The following FARS2 variants were observed in gnomAD, a reference collection of about 807,000 sequenced individuals.
The protein encoded by FARS2 is phenylalanyl-tRNA synthetase 2, mitochondrial, also known as phenylalanine--tRNA ligase, mitochondrial.
Under a neutral mutation model 46.4 loss-of-function variants are expected in FARS2, and 40 were observed. The observed-to-expected ratio is 0.86, with a 90% CI of 0.67 to 1.12. FARS2 has a LOEUF of 1.12. Among genes scored for constraint, FARS2 ranks in the 50% most tolerant of loss-of-function variants. The pLI, the probability that FARS2 is intolerant of heterozygous loss-of-function variation, is 0.00. For synonymous variants in FARS2, 234 were observed against 214.9 expected, an observed-to-expected ratio of 1.09 and a Z score of -0.78; for missense variants, 513 against 567.9, an observed-to-expected ratio of 0.90 and a Z score of 0.98.
In FARS2 at chr6:5,371,109, T is replaced by A. The variant is rs897135624; in HGVS notation, c.612+1927T>A. 1.7e-5 allele frequency: 13 copies of A among 752,288 alleles called. No homozygotes were observed. In the African/African-American group the frequency reaches 2.5e-4, roughly 14 times the overall value. 46.6% of individuals were successfully genotyped at this position (752,288 alleles called of 1,614,324 possible). On this transcript the variant is annotated intron_variant, in intron 2 of 6. Coordinates refer to ENST00000274680, the MANE Select transcript of FARS2 (RefSeq NM_006567.5). ...CTGTTTTTCTGTATTCTGCTTTTTTTCATGACACTCCTTTCTACGTGGGAC... is the reference window on the plus strand; with the variant it reads ...CTGTTTTTCTGTATTCTGCTTTTTTACATGACACTCCTTTCTACGTGGGAC...
intron 5 of FARS2, among the ~76,000 whole-genome samples, chr6:5,606,379 TG>T: frequency 6.6e-6 from 1 of 151,634 alleles, no homozygotes; most frequent in South Asian, 2.2e-4. Flanking sequence ...GTTGTCAGAG[TG>T]CTTGGGGAAG....
chr6:5,354,663 G>A (rs555587883), intron 1 of FARS2, among the ~76,000 whole-genome samples: 36 of 152,048 alleles, frequency 2.4e-4, no homozygotes, highest in African/African-American at 5.3e-4. Flanking sequence ...ACAGGCGCCC[G>A]CCACCACGCC....
At chr6:5,582,271 A>C (rs1329310228) in intron 5 of FARS2, among the ~76,000 whole-genome samples, 1 of 150,372 alleles carries the variant, frequency 6.7e-6, no homozygotes, top group Non-Finnish European at 1.5e-5. Flanking sequence ...TCACAGTAAC[A>C]TACTTCCGGT....
rs565606778 is a variant in FARS2 at position 5,288,506 on chromosome 6, C to T, written c.-22+26846C>T. Among the ~76,000 whole-genome samples the T allele has an allele frequency of 1.8e-4, 27 of 152,220 alleles. No individual in the cohort carries two copies. In the East Asian group the frequency reaches 2.9e-3, roughly 16 times the overall value. On this transcript the variant is annotated intron_variant, in intron 1 of 6. Transcript: ENST00000274680. ...TTGTTCTTCTCACTTGTGCACTGTA[C>T]GAATCACCAAATATACTTTCTAATG...
At chr6:5,504,650 T>A (rs1017359010) in intron 4 of FARS2, among the ~76,000 whole-genome samples, 2 of 152,118 alleles carry the variant, frequency 1.3e-5, no homozygotes, top group African/African-American at 2.4e-5. Flanking sequence ...CAAACACAAA[T>A]ACTTTTAGAG....
Position 5,568,229 on chromosome 6 carries a change from C to T in FARS2, c.1065+22889C>T, listed in dbSNP as rs573583449. Reference sequence around the variant, plus strand: ...GTAATATGCGGTTCTGATTCACGTTCAACTGTCAACATAGCAAGGGGGAAA... The same window carrying T: ...GTAATATGCGGTTCTGATTCACGTTTAACTGTCAACATAGCAAGGGGGAAA... On this transcript the variant is annotated intron_variant, in intron 5 of 6. Coordinates refer to ENST00000274680, the MANE Select transcript of FARS2 (RefSeq NM_006567.5). 2.0e-4 allele frequency among the ~76,000 whole-genome samples: 30 copies of T among 152,174 alleles called. 1 individual carries two copies. Among genetic ancestry groups the T allele is most frequent in the African/African-American group, 7.0e-4 (29 of 41,520 alleles).
rs9392076 is a variant in FARS2 at position 5,323,458 on chromosome 6, A to C, written c.-21-45092A>C. ...TGGGTTGTTTTTGTATTATGACTCGAGAGATGCTGAAAAAACCTCCTACTG... is the reference window on the plus strand; with the variant it reads ...TGGGTTGTTTTTGTATTATGACTCGCGAGATGCTGAAAAAACCTCCTACTG... On this transcript the variant is annotated intron_variant, in intron 1 of 6. Coordinates refer to ENST00000274680, the MANE Select transcript of FARS2 (RefSeq NM_006567.5). Among the ~76,000 whole-genome samples the C allele has an allele frequency of 8.7e-3, 1,328 of 152,270 alleles. 43 individuals carry two copies. Among genetic ancestry groups the C allele is most frequent in the East Asian group, 0.063 (327 of 5,180 alleles).
At chr6:5,297,912 C>G (rs1246837219) in intron 1 of FARS2, among the ~76,000 whole-genome samples, 2 of 152,120 alleles carry the variant, frequency 1.3e-5, no homozygotes, top group Non-Finnish European at 2.9e-5. Context: ...AAAACATCTC[C>G]ACTCTACCCA....
At chr6:5,321,966 T>C (rs1349898084) in intron 1 of FARS2, among the ~76,000 whole-genome samples, 1 of 152,258 alleles carries the variant, frequency 6.6e-6, no homozygotes, top group East Asian at 1.9e-4. Context: ...CAACCAGCTC[T>C]TGGTGCTAAA....
intron 4 of FARS2, among the ~76,000 whole-genome samples, chr6:5,498,122 G>T (rs1767579322): frequency 1.3e-5 from 2 of 152,194 alleles, no homozygotes; most frequent in Non-Finnish European, 2.9e-5. Context: ...GCGATTTGAT[G>T]TTACTTGTGG....
At position 5,565,234 on chromosome 6, in the gene FARS2, C is replaced by G. The variant is rs556211878; in HGVS notation, c.1065+19894C>G. Among the ~76,000 whole-genome samples, 3 of 152,252 alleles carry G rather than the reference C, an allele frequency of 2.0e-5. No homozygotes were observed. In the South Asian group the frequency reaches 6.2e-4, roughly 32 times the overall value. Reference sequence around the variant, plus strand: ...AATAACTTTCCTTGATGCTGAAAATCAAAACAAGGATCAGCAGTATTCCAA... The same window carrying G: ...AATAACTTTCCTTGATGCTGAAAATGAAAACAAGGATCAGCAGTATTCCAA... On this transcript the variant is annotated intron_variant, in intron 5 of 6. Transcript: ENST00000274680.
chr6:5,482,962 C>T (rs1766557287), intron 4 of FARS2, among the ~76,000 whole-genome samples: 1 of 152,144 alleles, frequency 6.6e-6, no homozygotes, highest in South Asian at 2.1e-4. Context: ...TGCTGGAGCT[C>T]TGACTGACCA....
chr6:5,654,654 G>A (rs1777523671), intron 6 of FARS2, among the ~76,000 whole-genome samples: 1 of 152,010 alleles, frequency 6.6e-6, no homozygotes, highest in Admixed American at 6.6e-5. Context: ...TGTGTATGTC[G>A]GGAGCCCCAT....
chr6:5,681,413 C>T (rs1197934345), intron 6 of FARS2, among the ~76,000 whole-genome samples: 2 of 152,174 alleles, frequency 1.3e-5, no homozygotes, highest in South Asian at 2.1e-4. Flanking sequence ...TGAGGGAGAG[C>T]GGGACAGCAG....
intron 1 of FARS2, among the ~76,000 whole-genome samples, chr6:5,351,525 A>C (rs1324708742): frequency 6.6e-6 from 1 of 152,196 alleles, no homozygotes; most frequent in African/African-American, 2.4e-5. Flanking sequence ...CTTTGATAGA[A>C]TATTGACAGA....
chr6:5,257,628 T>C (rs995442612), upstream of FARS2, among the ~76,000 whole-genome samples: 6 of 152,328 alleles, frequency 3.9e-5, no homozygotes, highest in Middle Eastern at 3.4e-3. Context: ...CTCCATCTCC[T>C]GTCAGATCAG....
chr6:5,325,152 C>G (rs1770274857), intron 1 of FARS2, among the ~76,000 whole-genome samples: 1 of 152,248 alleles, frequency 6.6e-6, no homozygotes, highest in African/African-American at 2.4e-5. Flanking sequence ...GGCAGAGCAG[C>G]TCCTTCTGGA....
Position 5,318,874 on chromosome 6 carries a change from A to T in FARS2, c.-21-49676A>T, listed in dbSNP as rs539280761. On this transcript the variant is annotated intron_variant, in intron 1 of 6. Transcript: ENST00000274680. ...GCCAGTCAGCAACTGCCATGCAGAA[A>T]AGGGCGTGGTTGAAAAGGAAGTAGC... Among the ~76,000 whole-genome samples the T allele has an allele frequency of 1.1e-4, 16 of 152,256 alleles. No homozygotes were observed. The South Asian group carries it at 3.1e-3, about 30-fold the overall frequency.
intron 5 of FARS2, among the ~76,000 whole-genome samples, chr6:5,606,667 G>A (rs999527157): frequency 6.6e-6 from 1 of 152,118 alleles, no homozygotes; most frequent in Non-Finnish European, 1.5e-5. Context: ...AAAGACCAAG[G>A]ACTTTGTTAC....
Sources: gnomAD v4.1 joint callset for allele counts (sites outside exome capture counted in the v4.1 genomes callset) on GRCh38, gnomAD v4.1.1 for gene constraint, MANE v1.5 for transcripts, NCBI Gene and HGNC (gene_info 2026-07-23, HGNC 2026-07-21) for gene names.